CCL3: variants seen among roughly 807,000 people sequenced by gnomAD.
CCL3 encodes the protein C-C motif chemokine ligand 3.
In CCL3, 6 loss-of-function variants were observed where a neutral mutation model predicts 8.1. The ratio of observed to expected loss-of-function variants is 0.74; its 90% CI spans 0.41 to 1.46. CCL3 has a LOEUF of 1.46. Ranked by LOEUF, CCL3 falls within the 40% of genes most tolerant of loss-of-function variation. The pLI is 0.02. For missense variants in CCL3, 109 were observed against 117.7 expected, an observed-to-expected ratio of 0.93 and a Z score of 0.34; for synonymous variants, 45 against 45.1, an observed-to-expected ratio of 1.00 and a Z score of 0.01.
At chr17:36,089,509 G>A in intron 1 of CCL3, 1 of 633,072 alleles carries the variant, frequency 1.6e-6, no homozygotes, top group East Asian at 2.7e-5. Context: ...TTCTCTGTGT[G>A]ATCCAGATAC....
At chr17:36,089,903 G>A in intron 1 of CCL3, 83 bp downstream of exon 1, 5 of 1,304,474 alleles carry the variant, frequency 3.8e-6, no homozygotes, top group Non-Finnish European at 5.5e-6. Context: ...TTTCTCTTGG[G>A]GGCTTTTAGG....
chr17:36,088,901 G>A (rs967550713), intron 2 of CCL3, 139 bp from the exon 3 acceptor site: 17 of 1,141,016 alleles, frequency 1.5e-5, no homozygotes, highest in East Asian at 9.7e-5. Flanking sequence ...GCCTATCTCT[G>A]TCTAGAGAGC....
At position 36,088,566 on chromosome 17, in the gene CCL3, T is replaced by C. The variant is rs1484998468; in HGVS notation, c.*106A>G. On this transcript the variant is annotated 3_prime_UTR_variant, in exon 3 of 3. Transcript: ENST00000613922. ...TGGCTGTTTGGCAACAACCAGTCCA[T>C]AGAAGAGGTAGCTGTGGAGGTCACA... 22 of 1,216,832 alleles carry C rather than the reference T, an allele frequency of 1.8e-5. No homozygotes were observed. Among genetic ancestry groups the C allele is most frequent in the Non-Finnish European group, 2.4e-5 (20 of 820,606 alleles). 75.4% of individuals were successfully genotyped at this position (1,216,832 alleles called of 1,614,324 possible).
At position 36,088,426 on chromosome 17, in the gene CCL3, G is replaced by T; in HGVS notation, c.*246C>A. 1.9e-6 allele frequency: 1 copy of T among 531,668 alleles called. No individual in the cohort carries two copies. The highest frequency in any genetic ancestry group is 3.4e-6 in the Non-Finnish European group (1 of 297,578). 32.9% of individuals were successfully genotyped at this position (531,668 alleles called of 1,614,324 possible). On this transcript the variant is annotated 3_prime_UTR_variant, in exon 3 of 3. Transcript: ENST00000613922. ...ACGCGGTGTGAGGGAAGGGGGAGGG[G>T]ACAGGGGAACTCTCAGAGCAAACAA...
chr17:36,089,917 C>G (rs966546727), intron 1 of CCL3, 69 bp downstream of exon 1: 11 of 1,460,984 alleles, frequency 7.5e-6, no homozygotes, highest in Admixed American at 5.2e-5. Flanking sequence ...TTTTAGGCCA[C>G]AAGAAAAGAT....
rs769321709 is a variant in CCL3 at position 36,088,640 on chromosome 17, G to A, written c.*32C>T. 5.6e-6 allele frequency: 9 copies of A among 1,612,014 alleles called. No individual in the cohort carries two copies. The highest frequency in any genetic ancestry group is 2.2e-5 in the East Asian group (1 of 44,876). On this transcript the variant is annotated 3_prime_UTR_variant, in exon 3 of 3. Coordinates refer to ENST00000613922, the MANE Select transcript of CCL3 (RefSeq NM_002983.3). ...CCTGCTCCTCCCCACTGGGCCCACC[G>A]AGGTCGCTGGGCCTCGAAGCTTCTG...
Position 36,088,693 on chromosome 17 carries a change from G to T in CCL3, c.258C>A (p.Ser86Arg). ...CCCCTCAGGCACTCAGCTCCAGGTCGCTGACATATTTCTGGACCCACTCCT... is the reference window on the plus strand; with the variant it reads ...CCCCTCAGGCACTCAGCTCCAGGTCTCTGACATATTTCTGGACCCACTCCT... ...PSEEWVQKYV[S>R]DLELSA The change falls in exon 3 of 3, where the codon AGC becomes AGA. Residue 86 changes from serine to arginine, a missense_variant. Physicochemically the swap from Ser to Arg is moderately radical, Grantham distance 110 (BLOSUM62 -1). Coordinates refer to ENST00000613922, the MANE Select transcript of CCL3 (RefSeq NM_002983.3). 4 of 1,613,532 alleles carry T rather than the reference G, an allele frequency of 2.5e-6. No homozygotes were observed. The highest frequency in any genetic ancestry group is 3.4e-6 in the Non-Finnish European group (4 of 1,179,846).
At chr17:36,089,850 A>C (rs181241676) in intron 1 of CCL3, 136 bp downstream of exon 1, 694 of 865,354 alleles carry the variant, frequency 8.0e-4, no homozygotes, top group Admixed American at 1.9e-3. Flanking sequence ...AAAGTCTTAA[A>C]GAGAAAGACC....
At chr17:36,089,069 T>A in intron 2 of CCL3, 114 bp downstream of exon 2, 1 of 1,371,188 alleles carries the variant, frequency 7.3e-7, no homozygotes, top group South Asian at 1.2e-5. Flanking sequence ...GCGTCCTGTA[T>A]CCCCGATAGG....
chr17:36,088,636 C>G lies in CCL3; in HGVS notation c.*36G>C. The G allele has an allele frequency of 6.2e-7, 1 of 1,611,610 alleles. No homozygotes were observed. The highest frequency in any genetic ancestry group is 8.5e-7 in the Non-Finnish European group (1 of 1,179,056). On this transcript the variant is annotated 3_prime_UTR_variant, in exon 3 of 3. Transcript: ENST00000613922. ...GGCTCCTGCTCCTCCCCACTGGGCC[C>G]ACCGAGGTCGCTGGGCCTCGAAGCT...
chr17:36,089,670 A>T lies in CCL3; in HGVS notation c.73+316T>A, dbSNP rs371841236. On this transcript the variant is annotated intron_variant, in intron 1 of 2. Transcript: ENST00000613922. ...GAGACCTAGAGTGAGCTGGAGAGTG[A>T]ACAACATACCCCACTGGGAAGTAAG... 1.1e-3 allele frequency: 717 copies of T among 661,368 alleles called. 1 individual carries two copies. The highest frequency in any genetic ancestry group is 6.7e-3 in the Middle Eastern group (18 of 2,680). The allele number at this position is 661,368 out of a possible 1,614,324, so 41.0% of individuals were successfully genotyped here.
chr17:36,089,038 C>A, intron 2 of CCL3, 145 bp downstream of exon 2: 1 of 1,103,456 alleles, frequency 9.1e-7, no homozygotes. Context: ...AGCTCCAAGT[C>A]AGGTCACACC....
Position 36,088,595 on chromosome 17 carries a change from A to T in CCL3, c.*77T>A, listed in dbSNP as rs1460940636. The T allele has an allele frequency of 7.2e-6, 11 of 1,532,586 alleles. No individual in the cohort carries two copies. The highest frequency in any genetic ancestry group is 7.2e-6 in the Non-Finnish European group (8 of 1,107,748). 94.9% of individuals were successfully genotyped at this position (1,532,586 alleles called of 1,614,324 possible). A position where few individuals can be genotyped will look rare whatever the true frequency, so the allele number is the denominator to read the frequency against. On this transcript the variant is annotated 3_prime_UTR_variant, in exon 3 of 3. Coordinates refer to ENST00000613922, the MANE Select transcript of CCL3 (RefSeq NM_002983.3). Reference sequence around the variant, plus strand: ...AGAGGTAGCTGTGGAGGTCACACGCATGTTCCCAAGGCTCAGGCTCCTGCT... The same window carrying T: ...AGAGGTAGCTGTGGAGGTCACACGCTTGTTCCCAAGGCTCAGGCTCCTGCT...
chr17:36,089,074 G>T, intron 2 of CCL3, 109 bp downstream of exon 2: 1 of 1,420,088 alleles, frequency 7.0e-7, no homozygotes, highest in Non-Finnish European at 9.9e-7. Context: ...CTGTATCCCC[G>T]ATAGGCTCCT....
chr17:36,089,985 C>A lies in CCL3; in HGVS notation c.73+1G>T. On this transcript the variant is annotated splice_donor_variant, in intron 1 of 2. Coordinates refer to ENST00000613922, the MANE Select transcript of CCL3 (RefSeq NM_002983.3). LOFTEE classifies it high-confidence loss of function. ...ATACCCACAACGAAACTCAGACTCA[C>A]GTGATGCAGAGAACTGGTTGCAGAG... 3 of 1,613,670 alleles carry A rather than the reference C, an allele frequency of 1.9e-6. No homozygotes were observed. Among genetic ancestry groups the A allele is most frequent in the Non-Finnish European group, 2.5e-6 (3 of 1,179,724 alleles).
intron 1 of CCL3, chr17:36,089,579 T>G (rs2067024108): frequency 1.6e-6 from 1 of 607,438 alleles, no homozygotes; most frequent in African/African-American, 1.8e-5. Flanking sequence ...GTTCAAGAAG[T>G]CATACCCCAA....
At chr17:36,089,963 C>T (rs147700636) in intron 1 of CCL3, 23 bp downstream of exon 1, 1 of 1,608,012 alleles carries the variant, frequency 6.2e-7, no homozygotes, top group Non-Finnish European at 8.5e-7. Flanking sequence ...AGTGGTGATA[C>T]CCACAACGAA....
chr17:36,089,567 T>C, intron 1 of CCL3: 1 of 607,072 alleles, frequency 1.6e-6, no homozygotes, highest in Non-Finnish European at 2.9e-6. Flanking sequence ...GAATTTTGTC[T>C]GGTTCAAGAA....
chr17:36,089,931 T>C, intron 1 of CCL3, 55 bp downstream of exon 1: 3 of 1,513,484 alleles, frequency 2.0e-6, no homozygotes, highest in Non-Finnish European at 2.8e-6. Context: ...AAAAGATTGA[T>C]GTGGTCTAAC....
Sources: gnomAD v4.1 joint callset for allele counts on GRCh38, gnomAD v4.1.1 for gene constraint, MANE v1.5 for transcripts, NCBI Gene and HGNC (gene_info 2026-07-23, HGNC 2026-07-21) for gene names.